XKR6: variants seen among roughly 807,000 people sequenced by gnomAD.
XKR6 encodes XK-related protein 6.
XKR6 carries 22 observed loss-of-function variants against 56.7 expected under a neutral mutation model. The observed-to-expected ratio is 0.39, with a 90% CI of 0.28 to 0.55. XKR6 has a LOEUF of 0.55. XKR6 is among the 20% of genes least tolerant of loss of function. XKR6 has a pLI of 0.66. For missense variants in XKR6, 852 were observed against 889.0 expected (o/e 0.96, Z 0.53); for synonymous variants, 524 against 387.8 (o/e 1.35, Z -4.13).
intron 2 of XKR6, among the ~76,000 whole-genome samples, chr8:10,899,506 C>T (rs1442655093): frequency 2.6e-5 from 4 of 152,242 alleles, no homozygotes; most frequent in Non-Finnish European, 5.9e-5. Context: ...CACCCAAGGC[C>T]AACAAGATCC....
At chr8:11,181,330 G>A (rs1802968241) in intron 1 of XKR6, among the ~76,000 whole-genome samples, 1 of 152,108 alleles carries the variant, frequency 6.6e-6, no homozygotes, top group Non-Finnish European at 1.5e-5. Context: ...ATTCTTTGGT[G>A]CTAGACAATG....
At chr8:10,979,700 C>T (rs934399749) in intron 1 of XKR6, among the ~76,000 whole-genome samples, 18 of 152,330 alleles carry the variant, frequency 1.2e-4, no homozygotes, top group African/African-American at 4.1e-4. Flanking sequence ...CTGCCTGAAA[C>T]GGACAATGGC....
At chr8:11,114,599 G>C (rs1799068761) in intron 1 of XKR6, among the ~76,000 whole-genome samples, 1 of 152,210 alleles carries the variant, frequency 6.6e-6, no homozygotes, top group African/African-American at 2.4e-5. Context: ...GACCTCAGAT[G>C]ATCCACCCGC....
At chr8:11,065,905 C>A (rs553694081) in intron 1 of XKR6, among the ~76,000 whole-genome samples, 4 of 152,334 alleles carry the variant, frequency 2.6e-5, no homozygotes, top group Non-Finnish European at 4.4e-5. Flanking sequence ...CAGGGCTAAG[C>A]AATGGATGTG....
At chr8:11,004,673 C>G (rs1261988857) in intron 1 of XKR6, among the ~76,000 whole-genome samples, 1 of 152,152 alleles carries the variant, frequency 6.6e-6, no homozygotes, top group Admixed American at 6.5e-5. Context: ...TATGAGCCAG[C>G]AATTCCTCTT....
intron 1 of XKR6, among the ~76,000 whole-genome samples, chr8:11,142,638 T>G (rs928709555): frequency 6.6e-6 from 1 of 152,106 alleles, no homozygotes; most frequent in Non-Finnish European, 1.5e-5. Context: ...TGAGATGCCT[T>G]CTCCCCCTTC....
chr8:10,975,294 G>C (rs941149056), intron 1 of XKR6, among the ~76,000 whole-genome samples: 2 of 152,220 alleles, frequency 1.3e-5, no homozygotes, highest in East Asian at 1.9e-4. Context: ...GCCTTCAGGA[G>C]GCTTCGAGCG....
chr8:11,106,896 C>T (rs906102023), intron 1 of XKR6, among the ~76,000 whole-genome samples: 3 of 139,948 alleles, frequency 2.1e-5, no homozygotes, highest in African/African-American at 8.8e-5. Context: ...AAAATGTTTA[C>T]AGGCAAACCT....
intron 1 of XKR6, among the ~76,000 whole-genome samples, chr8:11,113,138 G>A (rs550898533): frequency 6.6e-6 from 1 of 152,284 alleles, no homozygotes; most frequent in African/African-American, 2.4e-5. Flanking sequence ...CTAAACATAA[G>A]TAAATCTGTG....
intron 1 of XKR6, among the ~76,000 whole-genome samples, chr8:11,098,278 C>T (rs1464804639): frequency 6.6e-6 from 1 of 152,008 alleles, no homozygotes; most frequent in African/African-American, 2.4e-5. Context: ...ATGCACGACA[C>T]ACAGGCGCGC....
intron 1 of XKR6, among the ~76,000 whole-genome samples, chr8:11,043,912 G>C (rs1214024418): frequency 6.6e-6 from 1 of 152,240 alleles, no homozygotes; most frequent in African/African-American, 2.4e-5. Context: ...GCAGGCAATG[G>C]TGAAGTCAGG....
intron 1 of XKR6, among the ~76,000 whole-genome samples, chr8:10,943,592 C>T (rs1459629175): frequency 1.3e-5 from 2 of 152,176 alleles, no homozygotes; most frequent in Non-Finnish European, 2.9e-5. Context: ...TGAAATTCCA[C>T]CCCTCGCTCG....
intron 1 of XKR6, among the ~76,000 whole-genome samples, chr8:11,086,133 A>AAT (rs138365092): frequency 3.3e-4 from 30 of 90,104 alleles, no homozygotes; most frequent in African/African-American, 1.6e-3. Context: ...TTAAAAAGAA[A>AAT]ATATATATAT....
chr8:10,967,325 G>A lies in XKR6; in HGVS notation c.765-42495C>T, dbSNP rs376521471. 3.1e-3 allele frequency among the ~76,000 whole-genome samples: 471 copies of A among 152,314 alleles called. 23 individuals carry two copies. In the South Asian group the frequency reaches 0.089, roughly 29 times the overall value. ...ACCTGAGTTGCTTCACTGTAGGGGC[G>A]TGATAAGCTGCTGTGGGAAACTCCC... On this transcript the variant is annotated intron_variant, in intron 1 of 2. Coordinates refer to ENST00000416569, the MANE Select transcript of XKR6 (RefSeq NM_173683.4).
rs1393056262 is a variant in XKR6, at chr8:10,898,027, G to A, written c.1851C>T (p.Thr617=). Residue 617 remains threonine (T), a synonymous_variant, in exon 3 of 3, where the codon ACC becomes ACT. Coordinates refer to ENST00000416569, the MANE Select transcript of XKR6 (RefSeq NM_173683.4). This position sits in a 1 kb window ranked among gnomAD's most constrained non-coding sequence, Gnocchi z 6.6. The part of the protein sequence containing the change: ...RRTINILQYV[T]PTAVGIRYRD... ...GATATCGAATGCCTACTGCGGTGGG[G>A]GTGACATATTGTAGAATGTTAATAG... 8 of 1,613,802 alleles carry A rather than the reference G, an allele frequency of 5.0e-6. No homozygotes were observed. The highest frequency in any genetic ancestry group is 6.8e-6 in the Non-Finnish European group (8 of 1,179,864).
At chr8:11,094,099 CAG>C (rs1798181958) in intron 1 of XKR6, among the ~76,000 whole-genome samples, 1 of 117,858 alleles carries the variant, frequency 8.5e-6, no homozygotes, top group African/African-American at 4.4e-5. Context: ...TTTTTTTTGA[CAG>C]AGTCTTGCTG....
At chr8:11,178,576 A>ATATATATATATATG (rs1266024257) in intron 1 of XKR6, among the ~76,000 whole-genome samples, 81 of 135,926 alleles carry the variant, frequency 6.0e-4, no homozygotes, top group South Asian at 9.7e-4. Context: ...ATATATATGT[A>ATATATATATATATG]TATATATATG....
intron 1 of XKR6, among the ~76,000 whole-genome samples, chr8:11,155,171 C>A (rs999326718): frequency 1.3e-5 from 2 of 152,204 alleles, no homozygotes; most frequent in Non-Finnish European, 2.9e-5. Context: ...TTTTATCACT[C>A]AGAAAGATTC....
At position 11,174,691 on chromosome 8, in the gene XKR6, C is replaced by G. The variant is rs909688797; in HGVS notation, c.764+25885G>C. 5.3e-5 allele frequency among the ~76,000 whole-genome samples: 8 copies of G among 152,276 alleles called. No homozygotes were observed. The South Asian group carries it at 1.5e-3, about 28-fold the overall frequency. ...TTCCTCTGGTTACTTACCAACCACC[C>G]AGAGGTCACGCTCAGTTACAGGACA... On this transcript the variant is annotated intron_variant, in intron 1 of 2. Transcript: ENST00000416569.
Sources: gnomAD v4.1 joint callset for allele counts (sites outside exome capture counted in the v4.1 genomes callset) on GRCh38, gnomAD v4.1.1 for gene constraint, Gnocchi (gnomAD v3.1) non-coding constraint, MANE v1.5 for transcripts, NCBI Gene and HGNC (gene_info 2026-07-23, HGNC 2026-07-21) for gene names.